The following DTD1 variants were observed in gnomAD, a reference collection of about 807,000 sequenced individuals.
The protein encoded by DTD1 is D-aminoacyl-tRNA deacylase 1, also known as D-tyrosyl-tRNA deacylase 1 homolog.
In DTD1, 13 loss-of-function variants were observed where a neutral mutation model predicts 25.6. The ratio of observed to expected loss-of-function variants is 0.51; its 90% CI spans 0.33 to 0.81. DTD1 has a LOEUF of 0.81. DTD1 is among the 30% of genes least tolerant of loss of function. The pLI is 0.02. For synonymous variants in DTD1, 110 were observed against 103.6 expected (o/e 1.06, Z -0.37); for missense variants, 193 against 266.4 (o/e 0.72, Z 1.92).
chr20:18,753,084 A>G (rs11908213), intron 5 of DTD1, among the ~76,000 whole-genome samples: 5,569 of 152,308 alleles, frequency 0.037, 218 homozygotes, highest in African/African-American at 0.091. Context: ...AGAGTGTGCC[A>G]TCTAATACAG....
At chr20:18,661,660 T>C (rs536225554) in intron 4 of DTD1, among the ~76,000 whole-genome samples, 72 of 152,284 alleles carry the variant, frequency 4.7e-4, no homozygotes, top group Non-Finnish European at 6.5e-4. Context: ...CGTGAGCCAC[T>C]GCACCCAGCT....
intron 3 of DTD1, 132 bp downstream of exon 3, chr20:18,596,373 A>C: frequency 1.4e-6 from 1 of 715,980 alleles, no homozygotes; most frequent in Non-Finnish European, 2.3e-6. Context: ...TTAGAACCAC[A>C]TACTAGCTGC....
chr20:18,593,982 A>G (rs1362421117), intron 2 of DTD1, among the ~76,000 whole-genome samples, 161 bp downstream of exon 2: 1 of 152,128 alleles, frequency 6.6e-6, no homozygotes, highest in Admixed American at 6.6e-5. Context: ...GAGAAGACCG[A>G]GGAAGAATGA....
At chr20:18,737,938 A>G (rs1359663118) in intron 4 of DTD1, among the ~76,000 whole-genome samples, 1 of 152,214 alleles carries the variant, frequency 6.6e-6, no homozygotes, top group Non-Finnish European at 1.5e-5. Context: ...GTGTGCGGCT[A>G]CAGAGGGCAA....
intron 3 of DTD1, among the ~76,000 whole-genome samples, chr20:18,612,681 C>A (rs1464829939): frequency 6.6e-6 from 1 of 151,744 alleles, no homozygotes; most frequent in Non-Finnish European, 1.5e-5. Flanking sequence ...TATTTTGCGA[C>A]AGAGTCTCAC....
At chr20:18,631,048 C>G (rs2060785643) in intron 4 of DTD1, 1 of 985,254 alleles carries the variant, frequency 1.0e-6, no homozygotes, top group Admixed American at 6.1e-5. Context: ...AAGTGCTAAC[C>G]TCTTTCCCCT....
At chr20:18,695,279 C>T (rs902352916) in intron 4 of DTD1, among the ~76,000 whole-genome samples, 2 of 151,608 alleles carry the variant, frequency 1.3e-5, no homozygotes, top group East Asian at 1.9e-4. Context: ...GAAGGTCTCT[C>T]GTTCAGGTGC....
chr20:18,642,390 C>T (rs1329968494), intron 4 of DTD1, among the ~76,000 whole-genome samples: 1 of 152,008 alleles, frequency 6.6e-6, no homozygotes, highest in Non-Finnish European at 1.5e-5. Context: ...AGTGTGATGC[C>T]TCTTGTACCT....
At chr20:18,703,069 T>C (rs2061112313) in intron 4 of DTD1, among the ~76,000 whole-genome samples, 1 of 152,196 alleles carries the variant, frequency 6.6e-6, no homozygotes. Flanking sequence ...TTTTCAATAA[T>C]TTTTTTCCCT....
At chr20:18,687,650 G>C (rs1298271834) in intron 4 of DTD1, among the ~76,000 whole-genome samples, 11 of 151,918 alleles carry the variant, frequency 7.2e-5, no homozygotes, top group Non-Finnish European at 4.4e-5. Flanking sequence ...AATCTCCTGT[G>C]CTCAAGTAAT....
At chr20:18,641,517 GTGTT>G (rs140508217) in intron 4 of DTD1, among the ~76,000 whole-genome samples, 256 of 152,142 alleles carry the variant, frequency 1.7e-3, no homozygotes, top group African/African-American at 6.0e-3. Context: ...TTTTGTATGT[GTGTT>G]TGTGTGTGTG....
At position 18,588,125 on chromosome 20, in the gene DTD1, G is replaced by A. The variant is rs1315522902; in HGVS notation, c.43+10G>A. 2.4e-6 allele frequency: 3 copies of A among 1,273,238 alleles called. No individual in the cohort carries two copies. The highest frequency in any genetic ancestry group is 3.0e-4 in the Middle Eastern group (1 of 3,310). 78.9% of individuals were successfully genotyped at this position (1,273,238 alleles called of 1,614,324 possible). A position where few individuals can be genotyped will look rare whatever the true frequency, so the allele number is the denominator to read the frequency against. ...CGGGCCAGCGTCACAGGTCAGTCGG[G>A]CGGGGCCGGGCCCGGGAGGAGCCGC... On this transcript the variant is annotated intron_variant, in intron 1 of 5. Transcript: ENST00000377452.
At chr20:18,706,096 C>T (rs2061125519) in intron 4 of DTD1, among the ~76,000 whole-genome samples, 1 of 152,118 alleles carries the variant, frequency 6.6e-6, no homozygotes, top group Admixed American at 6.5e-5. Context: ...TGGTTTGTTG[C>T]CAAAGATTCA....
intron 1 of DTD1, among the ~76,000 whole-genome samples, chr20:18,590,615 T>C (rs2060585828): frequency 6.6e-6 from 1 of 152,016 alleles, no homozygotes. Context: ...GTCTTACAGG[T>C]GCGCGCCACT....
At chr20:18,730,959 G>A (rs371280207) in intron 4 of DTD1, among the ~76,000 whole-genome samples, 27 of 152,176 alleles carry the variant, frequency 1.8e-4, no homozygotes, top group African/African-American at 5.5e-4. Context: ...ACTTCTCTTC[G>A]TCCATTCCTC....
intron 3 of DTD1, among the ~76,000 whole-genome samples, chr20:18,623,893 TGTG>T (rs2060746344): frequency 6.6e-6 from 1 of 151,744 alleles, no homozygotes; most frequent in Non-Finnish European, 1.5e-5. Context: ...TGTGTGTGTG[TGTG>T]TGTGTGTGTG....
At chr20:18,760,630 T>C (rs1375622052) in intron 5 of DTD1, among the ~76,000 whole-genome samples, 1 of 152,028 alleles carries the variant, frequency 6.6e-6, no homozygotes, top group Non-Finnish European at 1.5e-5. Flanking sequence ...CCGTGTGAGG[T>C]GTTAGTCTGC....
chr20:18,611,808 G>T (rs1363146428), intron 3 of DTD1, among the ~76,000 whole-genome samples: 1 of 152,082 alleles, frequency 6.6e-6, no homozygotes, highest in Non-Finnish European at 1.5e-5. Context: ...CCCTGGAGGG[G>T]AAGCTAGTTA....
At chr20:18,629,540 T>G (rs1393601037) in intron 4 of DTD1, among the ~76,000 whole-genome samples, 1 of 151,926 alleles carries the variant, frequency 6.6e-6, no homozygotes, top group Non-Finnish European at 1.5e-5. Context: ...GCTCAACTGA[T>G]CCACCTAGGG....
Sources: allele counts gnomAD v4.1 joint callset (sites outside exome capture counted in the v4.1 genomes callset), GRCh38; gene constraint gnomAD v4.1.1; transcripts MANE v1.5; gene names NCBI Gene and HGNC (gene_info 2026-07-23, HGNC 2026-07-21).